Variants in NTM observed in about 807,000 individuals in gnomAD.
NTM encodes the protein IgLON family member 2.
Under a neutral mutation model 42.1 loss-of-function variants are expected in NTM, and 13 were observed. That is an observed-to-expected ratio of 0.31 (90% CI 0.20 to 0.49). The LOEUF (loss-of-function observed/expected upper bound fraction) is 0.49. NTM is among the 20% of genes least tolerant of loss of function. The pLI is 0.99. For synonymous variants in NTM, 187 were observed against 179.2 expected (o/e 1.04, Z -0.35); for missense variants, 373 against 452.8 (o/e 0.82, Z 1.60).
At chr11:132,295,540 G>A (rs1466384901) in intron 4 of NTM, among the ~76,000 whole-genome samples, 11 of 152,208 alleles carry the variant, frequency 7.2e-5, no homozygotes, top group Admixed American at 2.6e-4. Flanking sequence ...GAGGAGGCCC[G>A]GAAGTTTGAA....
chr11:131,929,161 G>C (rs560466588), intron 2 of NTM, among the ~76,000 whole-genome samples: 1 of 152,354 alleles, frequency 6.6e-6, no homozygotes, highest in East Asian at 1.9e-4. Flanking sequence ...AGGGAAAGGA[G>C]GAAGTGTGCG....
At chr11:131,455,961 A>G (rs58240434) in intron 1 of NTM, among the ~76,000 whole-genome samples, 6,791 of 152,314 alleles carry the variant, frequency 0.045, 557 homozygotes, top group African/African-American at 0.15. Flanking sequence ...GAAGTTTTAT[A>G]AAAAGGAGAA....
At chr11:132,082,914 T>A (rs1360184112) in intron 2 of NTM, among the ~76,000 whole-genome samples, 1 of 152,182 alleles carries the variant, frequency 6.6e-6, no homozygotes, top group Non-Finnish European at 1.5e-5. Flanking sequence ...GCTCAAAAAT[T>A]CTGAGGCTGC....
intron 2 of NTM, among the ~76,000 whole-genome samples, chr11:132,130,845 C>T (rs560264975): frequency 7.2e-5 from 11 of 152,256 alleles, no homozygotes; most frequent in East Asian, 1.9e-4. Context: ...CGGCTGAGGC[C>T]GCATAGACAT....
intron 4 of NTM, among the ~76,000 whole-genome samples, chr11:132,235,578 T>G (rs2088650893): frequency 6.6e-6 from 1 of 152,146 alleles, no homozygotes; most frequent in South Asian, 2.1e-4. Flanking sequence ...TATGTAGCAC[T>G]AACTCATTTG....
intron 2 of NTM, among the ~76,000 whole-genome samples, chr11:131,988,891 C>G (rs1373963005): frequency 6.6e-6 from 1 of 152,012 alleles, no homozygotes; most frequent in African/African-American, 2.4e-5. Flanking sequence ...TATTTTAAGC[C>G]TATAGTAGTG....
intron 4 of NTM, among the ~76,000 whole-genome samples, chr11:132,252,997 T>G (rs1261917314): frequency 6.6e-6 from 1 of 152,198 alleles, no homozygotes; most frequent in Admixed American, 6.5e-5. Context: ...CTAATTACAG[T>G]ACCGTCTTGC....
intron 4 of NTM, among the ~76,000 whole-genome samples, chr11:132,223,060 A>C (rs1316730411): frequency 6.6e-6 from 1 of 152,240 alleles, no homozygotes; most frequent in African/African-American, 2.4e-5. Context: ...CCAGTCCAGA[A>C]AAGGATTTAA....
chr11:132,207,890 A>G (rs1373055410), intron 3 of NTM, among the ~76,000 whole-genome samples: 1 of 152,200 alleles, frequency 6.6e-6, no homozygotes. Context: ...GTGATTCACC[A>G]TTCTGTGTCA....
At chr11:131,876,293 G>C (rs1274314264) in intron 1 of NTM, among the ~76,000 whole-genome samples, 1 of 152,170 alleles carries the variant, frequency 6.6e-6, no homozygotes, top group Non-Finnish European at 1.5e-5. Flanking sequence ...GGCACATCAG[G>C]AGAAATCCTG....
At chr11:132,236,547 C>T (rs2139127408) in intron 4 of NTM, among the ~76,000 whole-genome samples, 1 of 152,300 alleles carries the variant, frequency 6.6e-6, no homozygotes, top group South Asian at 2.1e-4. Flanking sequence ...CACTCATCCA[C>T]AGCAGCCATG....
intron 2 of NTM, among the ~76,000 whole-genome samples, chr11:131,966,859 T>A (rs2062899995): frequency 6.6e-6 from 1 of 152,182 alleles, no homozygotes; most frequent in Non-Finnish European, 1.5e-5. Context: ...AGTGGTCAGA[T>A]AGGAAGCTGC....
intron 1 of NTM, among the ~76,000 whole-genome samples, chr11:131,412,089 C>T (rs1013479002): frequency 6.6e-6 from 1 of 152,134 alleles, no homozygotes; most frequent in African/African-American, 2.4e-5. Context: ...ATTCTAAGAG[C>T]AAATTTCCTT....
At chr11:132,147,607 A>G (rs2070820953) in intron 3 of NTM, among the ~76,000 whole-genome samples, 1 of 151,952 alleles carries the variant, frequency 6.6e-6, no homozygotes, top group African/African-American at 2.4e-5. Flanking sequence ...AGCATCTTTT[A>G]CAGTGGGTCA....
rs1272085273 is a variant in NTM at position 132,069,094 on chromosome 11, C to T, written c.168-77188C>T. Among the ~76,000 whole-genome samples the T allele has an allele frequency of 1.1e-4, 16 of 151,574 alleles. 1 individual carries two copies. The highest frequency in any genetic ancestry group is 5.8e-4 in the East Asian group (3 of 5,194). Reference sequence around the variant, plus strand: ...AACACGTCACACAGCCAAGTTAACACAACAAACTGACGATCACAGGTTAGT... The same window carrying T: ...AACACGTCACACAGCCAAGTTAACATAACAAACTGACGATCACAGGTTAGT... On this transcript the variant is annotated intron_variant, in intron 2 of 8. Coordinates refer to ENST00000683400, the MANE Select transcript of NTM (RefSeq NM_001352005.2).
chr11:131,889,245 A>T (rs1336490408), intron 1 of NTM, among the ~76,000 whole-genome samples: 2 of 152,212 alleles, frequency 1.3e-5, no homozygotes, highest in Non-Finnish European at 2.9e-5. Context: ...CATGCAAACC[A>T]AACAAAGGAG....
intron 1 of NTM, among the ~76,000 whole-genome samples, chr11:131,375,479 G>C (rs1026535955): frequency 6.6e-6 from 1 of 152,224 alleles, no homozygotes; most frequent in East Asian, 1.9e-4. Context: ...TACCATCCTA[G>C]TGTTCCTAGA....
intron 2 of NTM, among the ~76,000 whole-genome samples, chr11:132,097,990 G>A (rs2061220657): frequency 6.6e-6 from 1 of 152,202 alleles, no homozygotes; most frequent in Admixed American, 6.5e-5. Context: ...CCCAATTAAG[G>A]CAAAGAAAGA....
At chr11:131,978,690 A>G (rs541460006) in intron 2 of NTM, among the ~76,000 whole-genome samples, 35 of 152,214 alleles carry the variant, frequency 2.3e-4, no homozygotes, top group Middle Eastern at 3.2e-3. Context: ...TTCCCACACT[A>G]GAACCATGCA....
Sources: gnomAD v4.1 joint callset for allele counts (sites outside exome capture counted in the v4.1 genomes callset) on GRCh38, gnomAD v4.1.1 for gene constraint, MANE v1.5 for transcripts, NCBI Gene and HGNC (gene_info 2026-07-23, HGNC 2026-07-21) for gene names.